Variants in SPIDR observed in about 807,000 individuals in gnomAD.
The protein encoded by SPIDR is DNA repair-scaffolding protein.
Under a neutral mutation model 104.6 loss-of-function variants are expected in SPIDR, and 93 were observed. The ratio of observed to expected loss-of-function variants is 0.89; its 90% CI spans 0.75 to 1.06. The LOEUF is 1.06. Ranked by LOEUF, SPIDR falls within the 50% of genes least tolerant of loss-of-function variation. The pLI is 0.00. For synonymous variants in SPIDR, 431 were observed against 416.9 expected (o/e 1.03, Z -0.41); for missense variants, 1,154 against 1,111.2 (o/e 1.04, Z -0.55).
intron 11 of SPIDR, among the ~76,000 whole-genome samples, chr8:47,680,779 C>T (rs535963920): frequency 3.9e-5 from 6 of 152,244 alleles, no homozygotes; most frequent in East Asian, 1.9e-4. Flanking sequence ...GTGACTTCAC[C>T]GAAGTTTCTG....
intron 1 of SPIDR, among the ~76,000 whole-genome samples, chr8:47,261,550 T>A (rs2032322230): frequency 6.6e-6 from 1 of 152,218 alleles, no homozygotes; most frequent in African/African-American, 2.4e-5. Context: ...CATCCTTTTT[T>A]GTTCTGCTAA....
rs546280480 is a variant in SPIDR at position 47,569,427 on chromosome 8, C to T, written c.1098-26384C>T. 1.1e-4 allele frequency among the ~76,000 whole-genome samples: 17 copies of T among 152,260 alleles called. No homozygotes were observed. In the South Asian group the frequency reaches 1.7e-3, roughly 15 times the overall value. ...CTGTAAAGCAATTAAACCTAACAGACGTGCAGAATATTCCCACCTAACAAC... is the reference window on the plus strand; with the variant it reads ...CTGTAAAGCAATTAAACCTAACAGATGTGCAGAATATTCCCACCTAACAAC... On this transcript the variant is annotated intron_variant, in intron 8 of 19. Coordinates refer to ENST00000297423, the MANE Select transcript of SPIDR (RefSeq NM_001080394.4).
intron 5 of SPIDR, among the ~76,000 whole-genome samples, chr8:47,385,604 T>A (rs1170406677): frequency 6.6e-6 from 1 of 152,240 alleles, no homozygotes; most frequent in Admixed American, 6.5e-5. Flanking sequence ...GGCCAAGTGC[T>A]TCTGCCGGCC....
At chr8:47,413,960 A>C (rs1358471064) in intron 7 of SPIDR, among the ~76,000 whole-genome samples, 1 of 152,208 alleles carries the variant, frequency 6.6e-6, no homozygotes, top group Non-Finnish European at 1.5e-5. Flanking sequence ...TTAAGAAGAC[A>C]AGGGATTGAG....
At chr8:47,530,061 T>C (rs2085693756) in intron 8 of SPIDR, among the ~76,000 whole-genome samples, 1 of 152,220 alleles carries the variant, frequency 6.6e-6, no homozygotes, top group Non-Finnish European at 1.5e-5. Context: ...TGATATAGCC[T>C]ACTACACATC....
intron 8 of SPIDR, among the ~76,000 whole-genome samples, chr8:47,563,468 C>T (rs761509984): frequency 1.3e-5 from 2 of 152,178 alleles, no homozygotes; most frequent in Non-Finnish European, 2.9e-5. Flanking sequence ...GCCATCGCAC[C>T]TGGCCCCACA....
At position 47,736,117 on chromosome 8, in the gene SPIDR, C is replaced by A. The variant is rs542017272; in HGVS notation, c.*667C>A. On this transcript the variant is annotated 3_prime_UTR_variant, in exon 20 of 20. Transcript: ENST00000297423. ...AGAGCAAAGATCACAGACTAAGGAG[C>A]AGTCAGTCGGATATTTGCTTTGCTG... is the stretch of plus-strand genomic sequence containing the variant. 2 of 154,340 alleles carry A rather than the reference C, an allele frequency of 1.3e-5. No homozygotes were observed. The highest frequency in any genetic ancestry group is 4.8e-5 in the African/African-American group (2 of 41,582). The allele number at this position is 154,340 out of a possible 1,614,324, so 9.6% of individuals were successfully genotyped here.
At chr8:47,308,066 T>G (rs1470269810) in intron 5 of SPIDR, among the ~76,000 whole-genome samples, 5 of 152,028 alleles carry the variant, frequency 3.3e-5, no homozygotes, top group Non-Finnish European at 7.4e-5. Flanking sequence ...TTGCTGTTTG[T>G]TTTGTTTTGT....
intron 11 of SPIDR, among the ~76,000 whole-genome samples, chr8:47,677,263 T>G (rs1457940912): frequency 6.6e-6 from 1 of 152,262 alleles, no homozygotes; most frequent in Non-Finnish European, 1.5e-5. Flanking sequence ...GGTGTCATAA[T>G]TCTGTGTGTG....
At chr8:47,265,837 C>T (rs150926618) in intron 1 of SPIDR, among the ~76,000 whole-genome samples, 27 of 152,228 alleles carry the variant, frequency 1.8e-4, no homozygotes, top group Non-Finnish European at 3.1e-4. Flanking sequence ...CTGGTGAGGG[C>T]CTGCTTTCTG....
chr8:47,609,869 C>G (rs544325407), intron 10 of SPIDR, among the ~76,000 whole-genome samples: 2 of 151,962 alleles, frequency 1.3e-5, no homozygotes, highest in African/African-American at 2.4e-5. Context: ...GCTCTTTTTT[C>G]CTATATATTA....
At chr8:47,559,467 C>G (rs925747470) in intron 8 of SPIDR, among the ~76,000 whole-genome samples, 16 of 152,170 alleles carry the variant, frequency 1.1e-4, no homozygotes, top group African/African-American at 3.6e-4. Flanking sequence ...AGCCTCTGAC[C>G]CCCTCCCCTG....
intron 11 of SPIDR, among the ~76,000 whole-genome samples, chr8:47,678,343 T>C (rs1008099925): frequency 6.6e-6 from 1 of 152,026 alleles, no homozygotes; most frequent in African/African-American, 2.4e-5. Context: ...CTGCAATAGA[T>C]GGGAAATTGA....
chr8:47,438,541 C>T (rs1401295825), intron 7 of SPIDR, among the ~76,000 whole-genome samples: 1 of 152,170 alleles, frequency 6.6e-6, no homozygotes, highest in Non-Finnish European at 1.5e-5. Context: ...TAACAAAATG[C>T]CTGTTGTGGC....
intron 10 of SPIDR, among the ~76,000 whole-genome samples, chr8:47,618,774 C>G (rs924281674): frequency 5.9e-5 from 9 of 152,144 alleles, no homozygotes; most frequent in South Asian, 2.1e-4. Context: ...GAACTTACAA[C>G]TTAGTTTAGG....
intron 8 of SPIDR, among the ~76,000 whole-genome samples, chr8:47,507,903 C>G (rs1261553362): frequency 1.3e-5 from 2 of 152,190 alleles, no homozygotes; most frequent in African/African-American, 2.4e-5. Context: ...CTTCGAGTAT[C>G]CCAGTTCATT....
intron 8 of SPIDR, among the ~76,000 whole-genome samples, chr8:47,515,320 C>T (rs1024847443): frequency 9.9e-5 from 15 of 152,226 alleles, no homozygotes; most frequent in South Asian, 6.2e-4. Context: ...AGGGATTGTT[C>T]TCTGCTTTTT....
chr8:47,315,579 A>G (rs587638416), intron 5 of SPIDR, among the ~76,000 whole-genome samples: 2 of 152,300 alleles, frequency 1.3e-5, no homozygotes, highest in South Asian at 2.1e-4. Flanking sequence ...GACCTATGTT[A>G]TACAAAGCAA....
intron 5 of SPIDR, among the ~76,000 whole-genome samples, chr8:47,302,390 A>G (rs952905139): frequency 2.5e-4 from 38 of 152,156 alleles, no homozygotes; most frequent in South Asian, 1.7e-3. Context: ...ATGGGTTCGA[A>G]GTTCCTCCTT....
Sources: allele counts gnomAD v4.1 joint callset (sites outside exome capture counted in the v4.1 genomes callset), GRCh38; gene constraint gnomAD v4.1.1; transcripts MANE v1.5; gene names NCBI Gene and HGNC (gene_info 2026-07-23, HGNC 2026-07-21).